The following EXPH5 variants were observed in gnomAD, a reference collection of about 807,000 sequenced individuals.
EXPH5 encodes exophilin-5.
A neutral mutation model predicts 41.1 loss-of-function variants in EXPH5; 42 were observed. The ratio of observed to expected loss-of-function variants is 1.02; its 90% CI spans 0.80 to 1.32. The LOEUF is 1.32. EXPH5 is among the 40% of genes most tolerant of loss of function. EXPH5 has a pLI of 0.00. For synonymous variants in EXPH5, 798 were observed against 833.5 expected, an observed-to-expected ratio of 0.96 and a Z score of 0.73; for missense variants, 2,298 against 2,314.5, an observed-to-expected ratio of 0.99 and a Z score of 0.15.
chr11:108,576,430 A>G (rs916426172), intron 1 of EXPH5, among the ~76,000 whole-genome samples: 1 of 152,128 alleles, frequency 6.6e-6, no homozygotes, highest in Admixed American at 6.5e-5. Context: ...AATGGGTTCT[A>G]TTTTGGGTTG....
Position 108,544,799 on chromosome 11 carries a change from G to C in EXPH5, c.120-2987C>G, listed in dbSNP as rs115726982. ...AATACAACATTTATCTATGATTATA[G>C]CTATGTAAAAATGATCCCCCTTTTG... On this transcript the variant is annotated intron_variant, in intron 1 of 5. Coordinates refer to ENST00000265843, the MANE Select transcript of EXPH5 (RefSeq NM_015065.3). Among the ~76,000 whole-genome samples, 914 of 152,260 alleles carry C rather than the reference G, an allele frequency of 6.0e-3. 12 individuals carry two copies. The highest frequency in any genetic ancestry group is 0.021 in the African/African-American group (865 of 41,538).
At position 108,579,080 on chromosome 11, in the gene EXPH5, C is replaced by T. The variant is rs144383037; in HGVS notation, c.119+14338G>A. ...GTGAAAGGGGTATCCTTGTCTTGTT[C>T]CAGATCTTAGAGGAAAGGCTTTCAG... On this transcript the variant is annotated intron_variant, in intron 1 of 5. Coordinates refer to ENST00000265843, the MANE Select transcript of EXPH5 (RefSeq NM_015065.3). Among the ~76,000 whole-genome samples, 930 of 152,222 alleles carry T rather than the reference C, an allele frequency of 6.1e-3. 27 individuals carry two copies. The highest frequency in any genetic ancestry group is 5.8e-3 in the South Asian group (28 of 4,826).
At chr11:108,601,018 C>A in the EXPH5 span, among the ~76,000 whole-genome samples, 2 of 152,190 alleles carry the variant, frequency 1.3e-5, no homozygotes, top group Admixed American at 1.3e-4. Flanking sequence ...CATGGATCGG[C>A]AAGAACTGTT....
intron 1 of EXPH5, among the ~76,000 whole-genome samples, chr11:108,568,451 C>T (rs886739705): frequency 1.1e-4 from 16 of 152,188 alleles, no homozygotes; most frequent in Non-Finnish European, 4.4e-5. Flanking sequence ...CATCTGGAGC[C>T]GAGGAACAAG....
intron 1 of EXPH5, among the ~76,000 whole-genome samples, chr11:108,590,926 T>G (rs1400320052): frequency 2.0e-5 from 3 of 152,256 alleles, no homozygotes; most frequent in Non-Finnish European, 4.4e-5. Context: ...GCACTGGGAT[T>G]ACAGGCGTGA....
intron 1 of EXPH5, among the ~76,000 whole-genome samples, chr11:108,542,187 A>G (rs1027070310): frequency 6.6e-6 from 1 of 151,954 alleles, no homozygotes; most frequent in African/African-American, 2.4e-5. Context: ...GCCTCAATGC[A>G]CTCTTTAAAT....
At position 108,514,058 on chromosome 11, in the gene EXPH5, T is replaced by C; in HGVS notation, c.1449A>G (p.Gln483=). ...CAGACCAGAAAGAATGTCCTTTCTCTTGGCCCCAAAAAGGACCTTGTCCAA... is the reference window on the plus strand; with the variant it reads ...CAGACCAGAAAGAATGTCCTTTCTCCTGGCCCCAAAAAGGACCTTGTCCAA... ...RRFGQGPFWG[Q]EKGHSFWSDF... The change falls in exon 6 of 6, where the codon CAA becomes CAG. Residue 483 remains glutamine, a synonymous_variant. Coordinates refer to ENST00000265843, the MANE Select transcript of EXPH5 (RefSeq NM_015065.3). 2 of 1,614,118 alleles carry C rather than the reference T, an allele frequency of 1.2e-6. No individual in the cohort carries two copies. Among genetic ancestry groups the C allele is most frequent in the Non-Finnish European group, 1.7e-6 (2 of 1,179,998 alleles).
intron 1 of EXPH5, among the ~76,000 whole-genome samples, chr11:108,543,591 T>C (rs1409541361): frequency 6.6e-6 from 1 of 152,114 alleles, no homozygotes; most frequent in Non-Finnish European, 1.5e-5. Context: ...AAAGCACAAG[T>C]GTTAGGGTCT....
In EXPH5 at chr11:108,509,564, A is replaced by T. The variant is rs746685601; in HGVS notation, c.5943T>A (p.Asp1981Glu). Residue 1981 changes from aspartate (D) to glutamate (E), a missense_variant, in exon 6 of 6, where the codon GAT (aspartate) becomes GAA (glutamate). Coordinates refer to ENST00000265843, the MANE Select transcript of EXPH5 (RefSeq NM_015065.3). Reference protein sequence around the residue: ...DTTTDDEYYLDENDKESEL With the variant: ...DTTTDDEYYLEENDKESEL Reference sequence around the variant, plus strand: ...ACAGTTCTGACTCTTTGTCATTTTCATCCAGGTAGTATTCATCATCTGTGG... The same window carrying T: ...ACAGTTCTGACTCTTTGTCATTTTCTTCCAGGTAGTATTCATCATCTGTGG... 1 of 1,563,394 alleles carries T rather than the reference A, an allele frequency of 6.4e-7. No homozygotes were observed. The highest frequency in any genetic ancestry group is 1.2e-5 in the South Asian group (1 of 81,228).
chr11:108,509,521 T>C lies in EXPH5; in HGVS notation c.*16A>G, dbSNP rs756578702. On this transcript the variant is annotated 3_prime_UTR_variant, in exon 6 of 6. Coordinates refer to ENST00000265843, the MANE Select transcript of EXPH5 (RefSeq NM_015065.3). ...AGCTTTTGGTGAAAAAAGTAAAGCA[T>C]TTTATTGAAAAAGCCTCACAGTTCT... The C allele has an allele frequency of 6.5e-7, 1 of 1,530,454 alleles. No homozygotes were observed. 94.8% of individuals were successfully genotyped at this position (1,530,454 alleles called of 1,614,324 possible). A position where few individuals can be genotyped will look rare whatever the true frequency, so the allele number is the denominator to read the frequency against.
intron 1 of EXPH5, among the ~76,000 whole-genome samples, chr11:108,569,690 A>G (rs2094051426): frequency 6.6e-6 from 1 of 152,198 alleles, no homozygotes; most frequent in Non-Finnish European, 1.5e-5. Flanking sequence ...AAGCTTACAA[A>G]GAACATTTGT....
chr11:108,584,850 A>G (rs528288714), intron 1 of EXPH5, among the ~76,000 whole-genome samples: 2 of 152,368 alleles, frequency 1.3e-5, no homozygotes, highest in South Asian at 4.1e-4. Flanking sequence ...GAGGCAGAGT[A>G]TTCTTAGAAC....
At chr11:108,536,540 C>T (rs1181925280) in intron 3 of EXPH5, among the ~76,000 whole-genome samples, 2 of 152,360 alleles carry the variant, frequency 1.3e-5, no homozygotes, top group East Asian at 3.9e-4. Flanking sequence ...GCCGGGATTA[C>T]AGGCGTGAGC....
At chr11:108,531,572 A>G (rs73548768) in intron 3 of EXPH5, among the ~76,000 whole-genome samples, 6 of 152,228 alleles carry the variant, frequency 3.9e-5, no homozygotes, top group African/African-American at 1.4e-4. Context: ...AGACTTGTCA[A>G]ATTAATTCCA....
intron 5 of EXPH5, among the ~76,000 whole-genome samples, chr11:108,517,031 C>T (rs1044217493): frequency 3.3e-5 from 5 of 152,138 alleles, no homozygotes; most frequent in African/African-American, 1.2e-4. Flanking sequence ...TCTTGGTTGA[C>T]TACAAGAGCA....
chr11:108,606,001 G>T, the EXPH5 span, among the ~76,000 whole-genome samples: 21 of 152,248 alleles, frequency 1.4e-4, no homozygotes, highest in African/African-American at 4.8e-4. Context: ...TCCCTAATCA[G>T]GAATTTGTGA....
the EXPH5 span, among the ~76,000 whole-genome samples, chr11:108,607,320 C>A: frequency 0.13 from 19,523 of 152,034 alleles, 2,418 homozygotes; most frequent in African/African-American, 0.32. Context: ...TATTAAATGT[C>A]TTATTATTTT....
intron 1 of EXPH5, among the ~76,000 whole-genome samples, chr11:108,543,208 T>C (rs1294981567): frequency 6.6e-6 from 1 of 152,204 alleles, no homozygotes; most frequent in East Asian, 1.9e-4. Context: ...TACTTTTTTT[T>C]CTTCTCTCCT....
intron 3 of EXPH5, among the ~76,000 whole-genome samples, chr11:108,529,193 A>G (rs1461744431): frequency 6.6e-6 from 1 of 152,140 alleles, no homozygotes; most frequent in African/African-American, 2.4e-5. Flanking sequence ...TAGGATGCTG[A>G]CTTCTATAAA....
Sources: allele counts gnomAD v4.1 joint callset (sites outside exome capture counted in the v4.1 genomes callset), GRCh38; gene constraint gnomAD v4.1.1; transcripts MANE v1.5; gene names NCBI Gene and HGNC (gene_info 2026-07-23, HGNC 2026-07-21).